Variants in C10orf90 observed in about 807,000 individuals in gnomAD.
The protein encoded by C10orf90 is chromosome 10 open reading frame 90.
In C10orf90, 56 loss-of-function variants were observed where a neutral mutation model predicts 62.5. The observed-to-expected ratio is 0.90, with a 90% CI of 0.72 to 1.12. The LOEUF (loss-of-function observed/expected upper bound fraction) is 1.12, where lower values mean the gene tolerates loss of function less well. Ranked by LOEUF, C10orf90 falls within the 50% of genes most tolerant of loss-of-function variation. The pLI is 0.00. For synonymous variants in C10orf90, 386 were observed against 340.4 expected (o/e 1.13, Z -1.47); for missense variants, 970 against 880.4 (o/e 1.10, Z -1.29).
At position 126,429,774 on chromosome 10, in the gene C10orf90, A is replaced by C; in HGVS notation, c.2252+13T>G. On this transcript the variant is annotated intron_variant, in intron 8 of 9. Transcript: ENST00000488181. ...CCACCAACTTCTTTGCACACCATAC[A>C]ATAACCAAGTACCTCTTAGATCGCA... 6.2e-7 allele frequency: 1 copy of C among 1,613,582 alleles called. No homozygotes were observed. Among genetic ancestry groups the C allele is most frequent in the Non-Finnish European group, 8.5e-7 (1 of 1,179,590 alleles).
intron 2 of C10orf90, among the ~76,000 whole-genome samples, chr10:126,585,356 A>AGG (rs781327267): frequency 6.8e-6 from 1 of 146,600 alleles, no homozygotes; most frequent in African/African-American, 2.5e-5. Flanking sequence ...GCAGGGAGCG[A>AGG]GGGGGGGAAG....
intron 3 of C10orf90, among the ~76,000 whole-genome samples, chr10:126,513,204 T>C (rs761239891): frequency 2.1e-4 from 32 of 152,192 alleles, no homozygotes; most frequent in Non-Finnish European, 4.1e-4. Flanking sequence ...TAGAGCAAGC[T>C]AAGTACAAAA....
chr10:126,436,563 G>A (rs939677077), intron 7 of C10orf90, among the ~76,000 whole-genome samples: 1 of 152,206 alleles, frequency 6.6e-6, no homozygotes, highest in African/African-American at 2.4e-5. Flanking sequence ...AACCTGGCAA[G>A]TCACCTTAGG....
intron 2 of C10orf90, among the ~76,000 whole-genome samples, chr10:126,628,927 C>T (rs1447387715): frequency 1.3e-5 from 2 of 152,168 alleles, no homozygotes; most frequent in African/African-American, 4.8e-5. Context: ...ATCATGGGTG[C>T]CCACCGCTGT....
chr10:126,564,172 G>A (rs117217940), intron 2 of C10orf90, among the ~76,000 whole-genome samples: 5,584 of 152,054 alleles, frequency 0.037, 151 homozygotes, highest in Non-Finnish European at 0.055. Flanking sequence ...CTGCAGGCTC[G>A]GAAGAAATCC....
intron 2 of C10orf90, among the ~76,000 whole-genome samples, chr10:126,624,813 G>A (rs1038110766): frequency 1.3e-5 from 2 of 152,178 alleles, no homozygotes; most frequent in African/African-American, 2.4e-5. Flanking sequence ...CCCCCACAGT[G>A]GGGGGCAGGC....
chr10:126,468,714 A>G (rs1860418739), intron 4 of C10orf90, among the ~76,000 whole-genome samples: 1 of 152,206 alleles, frequency 6.6e-6, no homozygotes, highest in South Asian at 2.1e-4. Context: ...GTGGAAACCC[A>G]TGCAGGGCAG....
Position 126,425,773 on chromosome 10 carries a change from C to T in C10orf90, c.*91G>A. The T allele has an allele frequency of 3.0e-6, 4 of 1,325,122 alleles. No individual in the cohort carries two copies. Among genetic ancestry groups the T allele is most frequent in the Non-Finnish European group, 3.1e-6 (3 of 969,428 alleles). The allele number at this position is 1,325,122 out of a possible 1,614,324, so 82.1% of individuals were successfully genotyped here. A position where few individuals can be genotyped will look rare whatever the true frequency, so the allele number is the denominator to read the frequency against. ...AATCGAAAGTAAAATAAGTGTTTTC[C>T]CATGATGAAGATAATGCTAAGTTTA... On this transcript the variant is annotated 3_prime_UTR_variant, in exon 10 of 10. Transcript: ENST00000488181.
rs143798341 is a variant in C10orf90, at chr10:126,453,617, G to T, written c.2188+5423C>A. Among the ~76,000 whole-genome samples the T allele has an allele frequency of 6.6e-6, 1 of 152,186 alleles. No homozygotes were observed. Among genetic ancestry groups the T allele is most frequent in the African/African-American group, 2.4e-5 (1 of 41,446 alleles). On this transcript the variant is annotated intron_variant, in intron 7 of 9. Coordinates refer to ENST00000488181, the MANE Select transcript of C10orf90 (RefSeq NM_001350921.2). The surrounding 1 kb of genome is among the most constrained non-coding windows in gnomAD (Gnocchi z 4.9). ...TGAGCTGAGAACAGAAGGGGGCAAC[G>T]TGGGCTGAGTTTGAGCACTGTCAGG...
chr10:126,669,265 T>A (rs1846697131), intron 1 of C10orf90, among the ~76,000 whole-genome samples: 1 of 152,204 alleles, frequency 6.6e-6, no homozygotes. Context: ...GTTGTGAACA[T>A]GGAAATTCAC....
At chr10:126,479,211 G>A (rs192746532) in intron 4 of C10orf90, among the ~76,000 whole-genome samples, 31 of 152,334 alleles carry the variant, frequency 2.0e-4, no homozygotes, top group South Asian at 6.2e-4. Flanking sequence ...GGGGCTGTGC[G>A]TTATTCCAAT....
intron 3 of C10orf90, among the ~76,000 whole-genome samples, chr10:126,508,635 G>T (rs1264724351): frequency 6.6e-6 from 1 of 152,186 alleles, no homozygotes; most frequent in African/African-American, 2.4e-5. Flanking sequence ...GCATGGATAT[G>T]GTGGGAAAGA....
chr10:126,658,290 T>C (rs368806471), intron 1 of C10orf90, among the ~76,000 whole-genome samples: 2 of 152,354 alleles, frequency 1.3e-5, no homozygotes, highest in Admixed American at 6.5e-5. Flanking sequence ...CAGCCACTTA[T>C]GCTGAAGTGA....
chr10:126,565,437 T>TACATATTATAC (rs1844361791), intron 2 of C10orf90, among the ~76,000 whole-genome samples: 1 of 72,444 alleles, frequency 1.4e-5, no homozygotes, highest in African/African-American at 5.1e-5. Flanking sequence ...ATATATATTA[T>TACATATTATAC]ACACACACAC....
chr10:126,577,447 A>G (rs970487600), intron 2 of C10orf90, among the ~76,000 whole-genome samples: 4 of 152,076 alleles, frequency 2.6e-5, no homozygotes, highest in Admixed American at 2.0e-4. Context: ...TTTAGAAATC[A>G]AAAACCTAGG....
At chr10:126,470,287 A>G (rs1590962787) in intron 4 of C10orf90, 4 of 334,190 alleles carry the variant, frequency 1.2e-5, no homozygotes, top group East Asian at 1.6e-4. Context: ...AGAGGCAGTA[A>G]CAATGGGTAC....
intron 1 of C10orf90, among the ~76,000 whole-genome samples, chr10:126,649,075 C>A (rs2366861): frequency 8.7e-5 from 3 of 34,630 alleles, no homozygotes; most frequent in Non-Finnish European, 2.4e-4. Context: ...TCTCTCTCCC[C>A]CCCCCCCAGC....
At chr10:126,586,266 T>C (rs976682589) in intron 2 of C10orf90, among the ~76,000 whole-genome samples, 7 of 152,184 alleles carry the variant, frequency 4.6e-5, no homozygotes, top group African/African-American at 1.7e-4. Flanking sequence ...GAGAAAGAGA[T>C]ATGAGGACGC....
chr10:126,537,901 AG>A (rs1248608914), intron 2 of C10orf90, among the ~76,000 whole-genome samples: 2 of 152,238 alleles, frequency 1.3e-5, no homozygotes, highest in Admixed American at 6.5e-5. Context: ...AGTTAAAATG[AG>A]GTCGTTAGAG....
Sources: allele counts gnomAD v4.1 joint callset (sites outside exome capture counted in the v4.1 genomes callset), GRCh38; gene constraint gnomAD v4.1.1; non-coding constraint Gnocchi (gnomAD v3.1); transcripts MANE v1.5; gene names NCBI Gene and HGNC (gene_info 2026-07-23, HGNC 2026-07-21).